Variants in NRK observed in about 807,000 individuals in gnomAD.
NRK encodes the protein Nik related kinase.
Under a neutral mutation model 125.2 loss-of-function variants are expected in NRK, and 67 were observed. That is an observed-to-expected ratio of 0.54 (90% CI 0.44 to 0.66). The LOEUF (loss-of-function observed/expected upper bound fraction) is 0.66. NRK is among the 30% of genes least tolerant of loss of function. The pLI is 0.00. For synonymous variants in NRK, 458 were observed against 429.0 expected, an observed-to-expected ratio of 1.07 and a Z score of -0.84; for missense variants, 1,224 against 1,192.9, an observed-to-expected ratio of 1.03 and a Z score of -0.38.
chrX:105,875,591 C>T (rs766117138), intron 2 of NRK, among the ~76,000 whole-genome samples: 8 of 110,444 alleles, frequency 7.2e-5, no homozygotes, highest in East Asian at 2.8e-4. Flanking sequence ...GTGGAGTACC[C>T]GGAAGTATTT....
chrX:105,932,556 A>G (rs1332230527), intron 19 of NRK, among the ~76,000 whole-genome samples: 1 of 112,484 alleles, frequency 8.9e-6, no homozygotes, highest in African/African-American at 3.2e-5. Context: ...ATATTTTCTG[A>G]ACCATGTGGT....
At chrX:105,842,476 G>A (rs2039343092) in intron 2 of NRK, among the ~76,000 whole-genome samples, 1 of 111,726 alleles carries the variant, frequency 9.0e-6, no homozygotes, top group African/African-American at 3.3e-5. Context: ...CTGGAAAAGA[G>A]GGAAACAACA....
chrX:105,825,172 A>G (rs909024974), intron 1 of NRK, among the ~76,000 whole-genome samples: 3 of 112,186 alleles, frequency 2.7e-5, no homozygotes, highest in African/African-American at 9.7e-5. Flanking sequence ...TTATTTTCTG[A>G]CTTTTTGAAG....
At chrX:105,883,019 G>A (rs899415959) in intron 4 of NRK, among the ~76,000 whole-genome samples, 1 of 112,206 alleles carries the variant, frequency 8.9e-6, no homozygotes, top group African/African-American at 3.2e-5. Context: ...TCCTTGAGCT[G>A]CCTCCTCTTG....
chrX:105,947,949 G>C (rs1448574753), intron 26 of NRK, among the ~76,000 whole-genome samples: 2 of 112,051 alleles, frequency 1.8e-5, no homozygotes, highest in Non-Finnish European at 3.8e-5. Context: ...AAATCACACT[G>C]TTGATAATGT....
At chrX:105,917,054 CTAAA>C (rs2040374787) in intron 15 of NRK, among the ~76,000 whole-genome samples, 1 of 111,055 alleles carries the variant, frequency 9.0e-6, no homozygotes, top group African/African-American at 3.3e-5. Flanking sequence ...AAGAAACTCT[CTAAA>C]TATTCTTTAA....
intron 2 of NRK, among the ~76,000 whole-genome samples, chrX:105,851,659 AGAG>A (rs2039472935): frequency 9.0e-6 from 1 of 111,725 alleles, no homozygotes; most frequent in African/African-American, 3.3e-5. Flanking sequence ...GAGACAGTTG[AGAG>A]GAGAGTTTTG....
intron 7 of NRK, among the ~76,000 whole-genome samples, chrX:105,897,002 C>T (rs1414772063): frequency 8.9e-6 from 1 of 112,440 alleles, no homozygotes; most frequent in African/African-American, 3.2e-5. Context: ...TGCTGGTCAA[C>T]GCAAACATTT....
rs1314568545 is a variant in NRK, at chrX:105,906,470, G to A, written c.902G>A (p.Arg301His). The change falls in exon 11 of 29, where the codon CGT becomes CAT. Residue 301 changes from arginine to histidine, a missense_variant. Arg to His is a conservative substitution (Grantham distance 29). Coordinates refer to ENST00000243300, the MANE Select transcript of NRK (RefSeq NM_198465.4). ...TGTACGATAAAAAATTTCCTGTTTC[G>A]TCCTACTTCTGCAAACATGCTTCAA... is the stretch of plus-strand genomic sequence containing the variant. The part of the protein sequence containing the change: ...EKCTIKNFLF[R>H]PTSANMLQHP... The A allele has an allele frequency of 2.6e-6, 3 of 1,151,785 alleles. No homozygotes were observed. Among genetic ancestry groups the A allele is most frequent in the Non-Finnish European group, 3.5e-6 (3 of 856,143 alleles). The allele number at this position is 1,151,785 out of a possible 1,213,427, so 94.9% of individuals were successfully genotyped here.
rs753766160 is a variant in NRK at position 105,909,254 on chromosome X, A to C, written c.1613A>C (p.Gln538Pro). The C allele has an allele frequency of 8.3e-7, 1 of 1,209,262 alleles. No homozygotes were observed. The highest frequency in any genetic ancestry group is 3.0e-5 in the East Asian group (1 of 33,611). Reference sequence around the variant, plus strand: ...CAAAGGCAGGGCCAGGCCCCTGAACAACAGCAGAGGCACAACCAGGTGCCT... The same window carrying C: ...CAAAGGCAGGGCCAGGCCCCTGAACCACAGCAGAGGCACAACCAGGTGCCT... ...EQQRQGQAPEQQQRHNQVPEQ... is the reference protein window; with the variant it reads ...EQQRQGQAPEPQQRHNQVPEQ... The change falls in exon 13 of 29, where the codon CAA (glutamine) becomes CCA (proline). Residue 538 changes from glutamine to proline, a missense_variant. Coordinates refer to ENST00000243300, the MANE Select transcript of NRK (RefSeq NM_198465.4).
chrX:105,877,152 A>C (rs2039825629), intron 2 of NRK, among the ~76,000 whole-genome samples: 1 of 111,788 alleles, frequency 8.9e-6, no homozygotes, highest in Non-Finnish European at 1.9e-5. Context: ...TATCCTTCCC[A>C]AAAATTCACA....
At chrX:105,883,364 A>T (rs970128275) in intron 4 of NRK, among the ~76,000 whole-genome samples, 2 of 112,399 alleles carry the variant, frequency 1.8e-5, no homozygotes, top group Non-Finnish European at 3.8e-5. Context: ...CTAGCTAATC[A>T]TCCAGTTAGT....
chrX:105,872,122 C>G (rs1038544548), intron 2 of NRK, among the ~76,000 whole-genome samples: 1 of 111,274 alleles, frequency 9.0e-6, no homozygotes, highest in Admixed American at 9.6e-5. Flanking sequence ...AGAAGAATTT[C>G]CCAAATTTGA....
At chrX:105,876,793 C>T (rs1293471134) in intron 2 of NRK, among the ~76,000 whole-genome samples, 1 of 111,802 alleles carries the variant, frequency 8.9e-6, no homozygotes, top group African/African-American at 3.2e-5. Flanking sequence ...TCTAGTTCAG[C>T]ATCTCATTTA....
rs1602670489 is a variant in NRK, at chrX:105,917,677, T to C, written c.2512+5T>C. On this transcript the variant is annotated splice_donor_5th_base_variant and intron_variant, in intron 16 of 28. Transcript: ENST00000243300. ...AAAATTGGCTGGCAGCATCAGGTGA[T>C]TCAAAGCACAAAATTTTAGCAGGCA... The C allele has an allele frequency of 9.4e-7, 1 of 1,058,283 alleles. No individual in the cohort carries two copies. The highest frequency in any genetic ancestry group is 3.3e-5 in the East Asian group (1 of 30,364). The allele number at this position is 1,058,283 out of a possible 1,213,427, so 87.2% of individuals were successfully genotyped here.
At chrX:105,938,727 A>G (rs187212417) in intron 22 of NRK, among the ~76,000 whole-genome samples, 1 of 112,002 alleles carries the variant, frequency 8.9e-6, no homozygotes, top group Non-Finnish European at 1.9e-5. Context: ...AATTTATTTT[A>G]CCATTTAAGA....
chrX:105,898,671 T>C lies in NRK; in HGVS notation c.668T>C (p.Val223Ala). 8.4e-7 allele frequency: 1 copy of C among 1,195,026 alleles called. No individual in the cohort carries two copies. The highest frequency in any genetic ancestry group is 1.1e-6 in the Non-Finnish European group (1 of 885,214). ...ACACCATACTGGATGGCACCTGAGG[T>C]GATTGACTGTGATGAGGACCCAAGA... The part of the protein sequence containing the change: ...IGTPYWMAPE[V>A]IDCDEDPRRS... The change falls in exon 8 of 29, where the codon GTG (valine) becomes GCG (alanine). Residue 223 changes from valine to alanine, a missense_variant. Physicochemically the swap from Val to Ala is moderately conservative, Grantham distance 64 (BLOSUM62 0). Transcript: ENST00000243300.
intron 9 of NRK, among the ~76,000 whole-genome samples, chrX:105,902,939 A>G (rs1036045801): frequency 1.7e-4 from 19 of 111,479 alleles, no homozygotes; most frequent in African/African-American, 5.9e-4. Context: ...TAGTGGCTCT[A>G]GAAAGAGAGA....
chrX:105,826,217 ATG>A (rs1569284562), intron 1 of NRK, among the ~76,000 whole-genome samples: 1 of 89,847 alleles, frequency 1.1e-5, no homozygotes, highest in Non-Finnish European at 2.1e-5. Context: ...ATATAATAAT[ATG>A]TGATAATATA....
Sources: gnomAD v4.1 joint callset for allele counts (sites outside exome capture counted in the v4.1 genomes callset) on GRCh38, gnomAD v4.1.1 for gene constraint, MANE v1.5 for transcripts, NCBI Gene and HGNC (gene_info 2026-07-23, HGNC 2026-07-21) for gene names.